Variants in PRMT5 observed in about 807,000 individuals in gnomAD.
PRMT5 encodes protein arginine N-methyltransferase 5.
PRMT5 carries 15 observed loss-of-function variants against 84.0 expected under a neutral mutation model. The observed-to-expected ratio is 0.18, with a 90% CI of 0.12 to 0.28. The LOEUF (loss-of-function observed/expected upper bound fraction) is 0.28, where lower values mean the gene tolerates loss of function less well. Ranked by LOEUF, PRMT5 falls within the 10% of genes least tolerant of loss-of-function variation. PRMT5 has a pLI of 1.00. For missense variants in PRMT5, 486 were observed against 808.0 expected (o/e 0.60, Z 4.83); for synonymous variants, 276 against 292.4 (o/e 0.94, Z 0.57).
In PRMT5 at chr14:22,922,571, T is replaced by C. The variant is rs1351139966; in HGVS notation, c.1580-12A>G. On this transcript the variant is annotated splice_polypyrimidine_tract_variant and intron_variant, in intron 14 of 16. Transcript: ENST00000324366. ...GTCAATCATAGGATCTGTCAGGAAA[T>C]AATTATGTGGGTGACAAGGGGCCAG... 6.2e-7 allele frequency: 1 copy of C among 1,602,060 alleles called. No individual in the cohort carries two copies. The highest frequency in any genetic ancestry group is 8.6e-7 in the Non-Finnish European group (1 of 1,169,224).
intron 5 of PRMT5, 25 bp downstream of exon 5, chr14:22,926,677 G>T (rs372815216): frequency 7.5e-6 from 12 of 1,606,176 alleles, no homozygotes; most frequent in Non-Finnish European, 7.7e-6. Flanking sequence ...CTTGCACCCT[G>T]GTACAGCAGC....
chr14:22,923,899 A>T lies in PRMT5; in HGVS notation c.1375+109T>A, dbSNP rs985907701. The T allele has an allele frequency of 8.0e-7, 1 of 1,250,696 alleles. No individual in the cohort carries two copies. The highest frequency in any genetic ancestry group is 2.4e-5 in the East Asian group (1 of 42,226). 77.5% of individuals were successfully genotyped at this position (1,250,696 alleles called of 1,614,324 possible). Reference sequence around the variant, plus strand: ...CAGTGAAGCAGTGGCTCTCAAACTCATATGATGTGACCCAGGTCCAACCCA... The same window carrying T: ...CAGTGAAGCAGTGGCTCTCAAACTCTTATGATGTGACCCAGGTCCAACCCA... On this transcript the variant is annotated intron_variant, in intron 12 of 16. Coordinates refer to ENST00000324366, the MANE Select transcript of PRMT5 (RefSeq NM_006109.5). The surrounding 1 kb of genome is among the most constrained non-coding windows in gnomAD (Gnocchi z 5.2).
Position 22,920,770 on chromosome 14 carries a change from G to A in PRMT5, c.*134C>T. 7.7e-7 allele frequency: 1 copy of A among 1,304,962 alleles called. No individual in the cohort carries two copies. Among genetic ancestry groups the A allele is most frequent in the Non-Finnish European group, 1.1e-6 (1 of 901,444 alleles). 80.8% of individuals were successfully genotyped at this position (1,304,962 alleles called of 1,614,324 possible). ...TAATCCCTTGCCCACCTTGATGTAA[G>A]GCAGGAAAGCAGATTGAAATGCTCC... On this transcript the variant is annotated 3_prime_UTR_variant, in exon 17 of 17. Transcript: ENST00000324366.
intron 7 of PRMT5, among the ~76,000 whole-genome samples, chr14:22,925,291 G>A (rs1371258961): frequency 6.6e-6 from 1 of 151,850 alleles, no homozygotes; most frequent in African/African-American, 2.4e-5. Context: ...CAAGTAGCTG[G>A]GACTACAGGT....
rs1462437212 is a variant in PRMT5, at chr14:22,920,739, T to G, written c.*165A>C. 1 of 1,035,464 alleles carries G rather than the reference T, an allele frequency of 9.7e-7. No individual in the cohort carries two copies. Among genetic ancestry groups the G allele is most frequent in the South Asian group, 1.3e-5 (1 of 74,874 alleles). 64.1% of individuals were successfully genotyped at this position (1,035,464 alleles called of 1,614,324 possible). A position where few individuals can be genotyped will look rare whatever the true frequency, so the allele number is the denominator to read the frequency against. ...AGATTGGTGGCTTGAGCCCTGCAAT[T>G]AATTATAATCCCTTGCCCACCTTGA... is the stretch of plus-strand genomic sequence containing the variant. On this transcript the variant is annotated 3_prime_UTR_variant, in exon 17 of 17. Transcript: ENST00000324366.
At position 22,924,739 on chromosome 14, in the gene PRMT5, C is replaced by T. The variant is rs1221954028; in HGVS notation, c.940-30G>A. On this transcript the variant is annotated intron_variant, in intron 8 of 16. Transcript: ENST00000324366. This position sits in a 1 kb window ranked among gnomAD's most constrained non-coding sequence, Gnocchi z 6.5. ...TGAATGAGGAAAAGGACAAAGTTAG[C>T]CAGTTTCTGGCAAAGGACAATGCAC... 4 of 1,608,334 alleles carry T rather than the reference C, an allele frequency of 2.5e-6. No homozygotes were observed. The South Asian group carries it at 4.4e-5, about 18-fold the overall frequency.
intron 6 of PRMT5, 34 bp downstream of exon 6, chr14:22,926,472 A>C (rs2044421820): frequency 6.2e-7 from 1 of 1,612,768 alleles, no homozygotes; most frequent in Non-Finnish European, 8.5e-7. Context: ...AGGTAAGAGA[A>C]GCCACACCCA....
chr14:22,924,132 T>G lies in PRMT5; in HGVS notation c.1251A>C (p.Ser417=), dbSNP rs1344317240. Residue 417 remains serine, a synonymous_variant, in exon 12 of 17, where the codon TCA becomes TCC. Transcript: ENST00000324366. The surrounding 1 kb of genome is among the most constrained non-coding windows in gnomAD (Gnocchi z 6.5). The stretch of plus-strand genomic sequence containing the variant: ...GAGCCACCCATTCCCTCATGTCTGA[T>G]GAGACTACGGTCACTTGGCTTCCCC... ...EEWGSQVTVV[S]SDMREWVAPE... 6.2e-7 allele frequency: 1 copy of G among 1,613,552 alleles called. No individual in the cohort carries two copies.
rs368092977 is a variant in PRMT5 at position 22,922,495 on chromosome 14, T to C, written c.1644A>G (p.Leu548=). 9.9e-6 allele frequency: 16 copies of C among 1,614,036 alleles called. No homozygotes were observed. The African/African-American group carries it at 1.9e-4, about 19-fold the overall frequency. Residue 548 remains leucine, a synonymous_variant, in exon 15 of 17, where the codon CTA becomes CTG. Coordinates refer to ENST00000324366, the MANE Select transcript of PRMT5 (RefSeq NM_006109.5). The part of the protein sequence containing the change: ...LEFPVEVNTV[L]HGFAGYFETV... ...TCTCAAAGTAGCCGGCAAAGCCATG[T>C]AGTACTGTGTTCACCTCCACAGGAA...
Position 22,924,979 on chromosome 14 carries a change from T to A in PRMT5, c.839A>T (p.Tyr280Phe). ...GCTTAAGTATTCCAGGTATTGGAGG[T>A]AGGAGCAGAACTCCTTCTCTGAGTG... ...NHHSEKEFCSYLQYLEYLSQN... is the reference protein window; with the variant it reads ...NHHSEKEFCSFLQYLEYLSQN... The change falls in exon 8 of 17, where the codon TAC becomes TTC. Residue 280 changes from tyrosine (Y) to phenylalanine (F), a missense_variant. Physicochemically the swap from Tyr to Phe is conservative, Grantham distance 22. Transcript: ENST00000324366. The surrounding 1 kb of genome is among the most constrained non-coding windows in gnomAD (Gnocchi z 6.5). 1 of 1,614,030 alleles carries A rather than the reference T, an allele frequency of 6.2e-7. No individual in the cohort carries two copies. The highest frequency in any genetic ancestry group is 8.5e-7 in the Non-Finnish European group (1 of 1,180,004).
chr14:22,925,287 G>A (rs761341759), intron 7 of PRMT5, among the ~76,000 whole-genome samples: 1 of 151,678 alleles, frequency 6.6e-6, no homozygotes, highest in Non-Finnish European at 1.5e-5. Flanking sequence ...CTCCCAAGTA[G>A]CTGGGACTAC....
In PRMT5 at chr14:22,924,405, G is replaced by A. The variant is rs770726168; in HGVS notation, c.1077-13C>T. ...CACCATCAGTACCCTAAGAAAGAAAGGGAAGAGTCAAGCAGACTTGGCATA... is the reference window on the plus strand; with the variant it reads ...CACCATCAGTACCCTAAGAAAGAAAAGGAAGAGTCAAGCAGACTTGGCATA... On this transcript the variant is annotated splice_polypyrimidine_tract_variant and intron_variant, in intron 10 of 16. Coordinates refer to ENST00000324366, the MANE Select transcript of PRMT5 (RefSeq NM_006109.5). The surrounding 1 kb of genome is among the most constrained non-coding windows in gnomAD (Gnocchi z 6.5). 3.8e-5 allele frequency: 61 copies of A among 1,613,902 alleles called. No individual in the cohort carries two copies. The highest frequency in any genetic ancestry group is 2.2e-4 in the South Asian group (20 of 91,082).
rs1195839847 is a variant in PRMT5 at position 22,921,860 on chromosome 14, C to T, written c.1761+316G>A. On this transcript the variant is annotated intron_variant, in intron 16 of 16. Coordinates refer to ENST00000324366, the MANE Select transcript of PRMT5 (RefSeq NM_006109.5). ...TTGTGCCACTGCACTCCAGCCTGGG[C>T]GACAGAGTGAGACTCCGTCTCTTTA... Among the ~76,000 whole-genome samples, 40 of 130,736 alleles carry T rather than the reference C, an allele frequency of 3.1e-4. 1 individual carries two copies. The highest frequency in any genetic ancestry group is 1.2e-3 in the East Asian group (5 of 4,196). 85.8% of individuals were successfully genotyped at this position (130,736 alleles called of 152,430 possible). A position where few individuals can be genotyped will look rare whatever the true frequency, so the allele number is the denominator to read the frequency against.
intron 7 of PRMT5, 125 bp from the exon 8 acceptor site, chr14:22,925,165 TTA>T (rs749515908): frequency 0.018 from 15,465 of 851,170 alleles, 202 homozygotes; most frequent in South Asian, 0.049. Flanking sequence ...TTTTTTTTTT[TTA>T]AAAAAAAAGA....
At chr14:22,926,868 G>T in intron 4 of PRMT5, 54 bp from the exon 5 acceptor site, 1 of 1,301,174 alleles carries the variant, frequency 7.7e-7, no homozygotes, top group Non-Finnish European at 1.1e-6. Flanking sequence ...ATTGGGTCCA[G>T]AAAGTTTCCC....
chr14:22,921,668 A>ACAT (rs2044299280), intron 16 of PRMT5, among the ~76,000 whole-genome samples: 2 of 152,108 alleles, frequency 1.3e-5, no homozygotes, highest in Non-Finnish European at 2.9e-5. Flanking sequence ...GCGGATCATG[A>ACAT]GGTCAGGAGA....
chr14:22,927,724 T>C (rs1285572271), intron 3 of PRMT5, 64 bp from the exon 4 acceptor site: 1 of 1,482,018 alleles, frequency 6.7e-7, no homozygotes, highest in Non-Finnish European at 9.2e-7. Context: ...TTTTTTTTTT[T>C]TGAGACAAAG....
chr14:22,922,600 C>T (rs1299193627), intron 14 of PRMT5, 41 bp from the exon 15 acceptor site: 1 of 1,553,544 alleles, frequency 6.4e-7, no homozygotes, highest in Non-Finnish European at 8.9e-7. Flanking sequence ...GGGCCAGAAG[C>T]TCTAGACAAC....
chr14:22,924,757 C>T lies in PRMT5; in HGVS notation c.940-48G>A. 1 of 1,599,426 alleles carries T rather than the reference C, an allele frequency of 6.3e-7. No homozygotes were observed. On this transcript the variant is annotated intron_variant, in intron 8 of 16. Transcript: ENST00000324366. The surrounding 1 kb of genome is among the most constrained non-coding windows in gnomAD (Gnocchi z 6.5). The stretch of plus-strand genomic sequence containing the variant: ...AAGTTAGCCAGTTTCTGGCAAAGGA[C>T]AATGCACTAAAATATCAAAAACTTT...
Sources: allele counts gnomAD v4.1 joint callset (sites outside exome capture counted in the v4.1 genomes callset), GRCh38; gene constraint gnomAD v4.1.1; non-coding constraint Gnocchi (gnomAD v3.1); transcripts MANE v1.5; gene names NCBI Gene and HGNC (gene_info 2026-07-23, HGNC 2026-07-21).